Variants in TIAM2 observed in about 807,000 individuals in gnomAD.
TIAM2 encodes the protein rho guanine nucleotide exchange factor TIAM2.
TIAM2 carries 80 observed loss-of-function variants against 152.9 expected under a neutral mutation model. The ratio of observed to expected loss-of-function variants is 0.52; its 90% CI spans 0.44 to 0.63. The LOEUF (loss-of-function observed/expected upper bound fraction) is 0.63, where lower values mean the gene tolerates loss of function less well. Ranked by LOEUF, TIAM2 falls within the 30% of genes least tolerant of loss-of-function variation. TIAM2 has a pLI of 0.00. For missense variants in TIAM2, 1,965 were observed against 2,120.1 expected (o/e 0.93, Z 1.44); for synonymous variants, 804 against 838.0 (o/e 0.96, Z 0.70).
intron 16 of TIAM2, 89 bp downstream of exon 16, chr6:155,240,798 A>AGGACACCTGCCACTCCCCAGGGGG: frequency 4.4e-6 from 6 of 1,356,370 alleles, no homozygotes; most frequent in Non-Finnish European, 5.9e-6. Flanking sequence ...ACCTCTGCCC[A>AGGACACCTGCCACTCCCCAGGGGG]GGACACCTGC....
intron 14 of TIAM2, among the ~76,000 whole-genome samples, chr6:155,187,767 A>G (rs1781085930): frequency 6.6e-6 from 1 of 151,484 alleles, no homozygotes; most frequent in South Asian, 2.1e-4. Context: ...TAGTAGAGAC[A>G]AGGTTTCTCC....
At position 155,061,776 on chromosome 6, in the gene TIAM2, G is replaced by A. The variant is rs1251127469; in HGVS notation, c.-208-28513G>A. ...GTTACTTGCCATGCTGACAGTTTGC[G>A]TTCTATCCTGAGGGTCCCTGACATC... On this transcript the variant is annotated intron_variant, in intron 1 of 26. Coordinates refer to ENST00000682666, the MANE Select transcript of TIAM2 (RefSeq NM_012454.4). 8.5e-5 allele frequency among the ~76,000 whole-genome samples: 13 copies of A among 152,208 alleles called. No homozygotes were observed. The East Asian group carries it at 1.3e-3, about 16-fold the overall frequency.
rs138105637 is a variant in TIAM2 at position 155,167,711 on chromosome 6, A to G, written c.2361+2302A>G. The stretch of plus-strand genomic sequence containing the variant: ...GTGGTCTCCCTATGTTGCCCAGGCT[A>G]GTCTCAAATTTCTGGCCTCAATCCA... On this transcript the variant is annotated intron_variant, in intron 9 of 26. Coordinates refer to ENST00000682666, the MANE Select transcript of TIAM2 (RefSeq NM_012454.4). Among the ~76,000 whole-genome samples, 657 of 152,060 alleles carry G rather than the reference A, an allele frequency of 4.3e-3. 10 individuals are homozygous for G. The highest frequency in any genetic ancestry group is 0.015 in the African/African-American group (623 of 41,458).
intron 1 of TIAM2, among the ~76,000 whole-genome samples, chr6:155,046,414 C>T (rs1777176829): frequency 6.8e-6 from 1 of 146,748 alleles, no homozygotes; most frequent in Non-Finnish European, 1.5e-5. Context: ...CGGCTCACTG[C>T]AGCCTCCGCC....
At chr6:155,254,686 C>A (rs1217031893) in intron 26 of TIAM2, 113 bp downstream of exon 26, 3 of 1,331,910 alleles carry the variant, frequency 2.3e-6, no homozygotes, top group Non-Finnish European at 2.1e-6. Context: ...CATCGAGGTA[C>A]CTTTATCTCC....
chr6:155,141,970 C>T (rs536135090), intron 5 of TIAM2, among the ~76,000 whole-genome samples: 8 of 152,324 alleles, frequency 5.3e-5, no homozygotes, highest in Non-Finnish European at 1.0e-4. Flanking sequence ...GCAAGAACGT[C>T]CAGTGTCAAC....
At position 155,129,384 on chromosome 6, in the gene TIAM2, G is replaced by C. The variant is rs1447824913; in HGVS notation, c.161G>C (p.Gly54Ala). ...HGWGHGSNGA[G>A]YKSRSLARSC... ...TGGGGTCACGGAAGCAACGGAGCAG[G>C]TTACAAGTCCAGGTCCCTGGCCCGA... is the stretch of plus-strand genomic sequence containing the variant. Residue 54 changes from glycine to alanine, a missense_variant, in exon 4 of 27, where the codon GGT becomes GCT. This residue lies in a region of TIAM2 where 1,025 missense variants were observed against 1,119.4 expected (regional missense o/e 0.92). Coordinates refer to ENST00000682666, the MANE Select transcript of TIAM2 (RefSeq NM_012454.4). The surrounding 1 kb of genome is among the most constrained non-coding windows in gnomAD (Gnocchi z 4.8). 3.1e-6 allele frequency: 5 copies of C among 1,614,048 alleles called. No homozygotes were observed. In the African/African-American group the frequency reaches 6.7e-5, roughly 22 times the overall value.
intron 10 of TIAM2, among the ~76,000 whole-genome samples, chr6:155,177,477 A>T (rs764384974): frequency 1.3e-5 from 2 of 152,116 alleles, no homozygotes; most frequent in Non-Finnish European, 2.9e-5. Flanking sequence ...CTGAGAAGGG[A>T]GTTTATGGTA....
In TIAM2 at chr6:155,213,688, C is replaced by A. The variant is rs1781778686; in HGVS notation, c.3168+2381C>A. ...AGGAGCCTGTCTGCGTCCTGCCACT[C>A]TTCCTGGTGCCCAGGCTGTTTGTGC... is the stretch of plus-strand genomic sequence containing the variant. On this transcript the variant is annotated intron_variant, in intron 15 of 26. Coordinates refer to ENST00000682666, the MANE Select transcript of TIAM2 (RefSeq NM_012454.4). This position sits in a 1 kb window ranked among gnomAD's most constrained non-coding sequence, Gnocchi z 4.2. 6.6e-6 allele frequency among the ~76,000 whole-genome samples: 1 copy of A among 152,350 alleles called. No individual in the cohort carries two copies. The highest frequency in any genetic ancestry group is 2.1e-4 in the South Asian group (1 of 4,830).
At chr6:155,076,189 G>C (rs1435848804) in intron 1 of TIAM2, among the ~76,000 whole-genome samples, 1 of 152,168 alleles carries the variant, frequency 6.6e-6, no homozygotes, top group African/African-American at 2.4e-5. Flanking sequence ...AGGCATGGGG[G>C]ATGGAGCTTC....
intron 2 of TIAM2, among the ~76,000 whole-genome samples, chr6:155,093,099 T>C (rs1443573301): frequency 6.6e-6 from 1 of 152,218 alleles, no homozygotes; most frequent in Non-Finnish European, 1.5e-5. Flanking sequence ...GTCTTTTTGG[T>C]ATCAGACAGA....
chr6:155,129,994 T>A lies in TIAM2; in HGVS notation c.771T>A (p.Ala257=). ...SSWYDSPWGN[A]GELSEAEGSF... Reference sequence around the variant, plus strand: ...GGTACGACTCCCCTTGGGGCAATGCTGGAGAGCTGAGCGAGGCTGAGGGCT... The same window carrying A: ...GGTACGACTCCCCTTGGGGCAATGCAGGAGAGCTGAGCGAGGCTGAGGGCT... Residue 257 remains alanine, a synonymous_variant, in exon 4 of 27, where the codon GCT becomes GCA. Transcript: ENST00000682666. This position sits in a 1 kb window ranked among gnomAD's most constrained non-coding sequence, Gnocchi z 4.8. 1 of 1,614,148 alleles carries A rather than the reference T, an allele frequency of 6.2e-7. No individual in the cohort carries two copies. The highest frequency in any genetic ancestry group is 8.5e-7 in the Non-Finnish European group (1 of 1,180,034).
intron 16 of TIAM2, among the ~76,000 whole-genome samples, chr6:155,242,219 G>C (rs1783068450): frequency 6.6e-6 from 1 of 152,354 alleles, no homozygotes; most frequent in South Asian, 2.1e-4. Flanking sequence ...GCACCAGCCT[G>C]TGAGGCATGA....
intron 1 of TIAM2, among the ~76,000 whole-genome samples, chr6:155,048,182 A>T (rs1044316418): frequency 1.7e-4 from 26 of 152,114 alleles, no homozygotes; most frequent in African/African-American, 6.0e-4. Context: ...TGAACGCCTG[A>T]CCTCAAGTGA....
At chr6:155,017,130 G>C (rs2475876) in intron 1 of TIAM2, among the ~76,000 whole-genome samples, 8,185 of 152,184 alleles carry the variant, frequency 0.054, 340 homozygotes, top group African/African-American at 0.11. Context: ...CTTGCCCACC[G>C]CATTCGGTGA....
intron 21 of TIAM2, 129 bp from the exon 22 acceptor site, chr6:155,250,784 C>A: frequency 8.8e-7 from 1 of 1,140,364 alleles, no homozygotes; most frequent in Non-Finnish European, 1.3e-6. Flanking sequence ...CCCATGTTTA[C>A]AGGTATCATA....
intron 1 of TIAM2, among the ~76,000 whole-genome samples, chr6:155,016,773 G>A (rs992123019): frequency 7.8e-6 from 1 of 127,674 alleles, no homozygotes; most frequent in South Asian, 2.2e-4. Context: ...GGTGATGTGT[G>A]CCTGTAATCC....
intron 14 of TIAM2, among the ~76,000 whole-genome samples, chr6:155,187,573 C>CCCTTTTTTTTTTTTTTTTTTTTT (rs1189509294): frequency 6.0e-5 from 3 of 49,622 alleles, no homozygotes; most frequent in African/African-American, 7.9e-5. Context: ...ACCCCGCCCC[C>CCCTTTTTTTTTTTTTTTTTTTTT]TTTTTTTTTT....
At chr6:155,211,658 T>A (rs1302332037) in intron 15 of TIAM2, among the ~76,000 whole-genome samples, 7 of 59,352 alleles carry the variant, frequency 1.2e-4, no homozygotes, top group African/African-American at 6.3e-4. Flanking sequence ...TCTTTCTTAC[T>A]TTTTTTTTTT....
Sources: allele counts gnomAD v4.1 joint callset (sites outside exome capture counted in the v4.1 genomes callset), GRCh38; gene constraint gnomAD v4.1.1; regional missense constraint gnomAD v4.1.1; non-coding constraint Gnocchi (gnomAD v3.1); transcripts MANE v1.5; gene names NCBI Gene and HGNC (gene_info 2026-07-23, HGNC 2026-07-21).